Variants in BTBD9 observed in about 807,000 individuals in gnomAD.
BTBD9 encodes BTB domain containing 9.
In BTBD9, 49 loss-of-function variants were observed where a neutral mutation model predicts 64.3. That is an observed-to-expected ratio of 0.76 (90% CI 0.61 to 0.97). The LOEUF is 0.97. Among genes scored for constraint, BTBD9 ranks in the 50% least tolerant of loss-of-function variants. The probability of loss-of-function intolerance (pLI) is 0.00; values close to 1 mark genes in which losing one functional copy is unlikely to be tolerated. For missense variants in BTBD9, 598 were observed against 762.1 expected, an observed-to-expected ratio of 0.78 and a Z score of 2.53; for synonymous variants, 260 against 274.7, an observed-to-expected ratio of 0.95 and a Z score of 0.53.
rs1334052990 is a variant in BTBD9, at chr6:38,242,550, G to T, written c.1562+13859C>A. ...CAGTTACAGTATTGTTTGATTCTAGGATCTTGTTTTGTATTTTACACTGTG... is the reference window on the plus strand; with the variant it reads ...CAGTTACAGTATTGTTTGATTCTAGTATCTTGTTTTGTATTTTACACTGTG... On this transcript the variant is annotated intron_variant, in intron 9 of 10. Transcript: ENST00000481247. 2.0e-5 allele frequency among the ~76,000 whole-genome samples: 3 copies of T among 152,318 alleles called. No individual in the cohort carries two copies. In the East Asian group the frequency reaches 5.8e-4, roughly 29 times the overall value.
chr6:38,627,770 T>A (rs1778222199), intron 1 of BTBD9, among the ~76,000 whole-genome samples: 1 of 152,182 alleles, frequency 6.6e-6, no homozygotes, highest in Admixed American at 6.5e-5. Flanking sequence ...CTCAATGAGA[T>A]GTTACAAAGA....
intron 1 of BTBD9, among the ~76,000 whole-genome samples, chr6:38,603,677 C>T (rs189908076): frequency 9.8e-5 from 15 of 152,292 alleles, no homozygotes; most frequent in South Asian, 8.3e-4. Context: ...AAGGTGGAGA[C>T]GCCAAAGAGT....
chr6:38,606,385 T>C (rs1048298433), intron 1 of BTBD9, among the ~76,000 whole-genome samples: 4 of 152,130 alleles, frequency 2.6e-5, no homozygotes, highest in Admixed American at 6.5e-5. Flanking sequence ...ATGAAACCAC[T>C]GATTGAAGAT....
At chr6:38,224,001 C>T (rs1427478756) in intron 9 of BTBD9, among the ~76,000 whole-genome samples, 2 of 152,010 alleles carry the variant, frequency 1.3e-5, no homozygotes, top group Non-Finnish European at 2.9e-5. Context: ...CTGCTTGAGG[C>T]CAGGAGTTCA....
At chr6:38,629,091 C>T (rs1778274792) in intron 1 of BTBD9, among the ~76,000 whole-genome samples, 1 of 151,324 alleles carries the variant, frequency 6.6e-6, no homozygotes, top group Non-Finnish European at 1.5e-5. Context: ...ACATAAGAAT[C>T]CATGAGATCA....
At chr6:38,413,120 C>G (rs1311420547) in intron 6 of BTBD9, among the ~76,000 whole-genome samples, 2 of 151,038 alleles carry the variant, frequency 1.3e-5, no homozygotes, top group Non-Finnish European at 3.0e-5. Context: ...TCCTTCTTTC[C>G]TTCCTTCCTT....
At chr6:38,570,404 C>A (rs1453767823) in intron 6 of BTBD9, among the ~76,000 whole-genome samples, 8 of 152,196 alleles carry the variant, frequency 5.3e-5, no homozygotes, top group Middle Eastern at 3.2e-3. Context: ...TCAATTTCCT[C>A]ACCTATAAAA....
intron 1 of BTBD9, among the ~76,000 whole-genome samples, chr6:38,602,937 T>A (rs1699020): frequency 0.38 from 57,089 of 151,800 alleles, 10,946 homozygotes; most frequent in African/African-American, 0.45. Flanking sequence ...CCATCTGATA[T>A]ATCCCAACTA....
rs560059564 is a variant in BTBD9, at chr6:38,388,703, T to C, written c.1155-43610A>G. On this transcript the variant is annotated intron_variant, in intron 6 of 10. Coordinates refer to ENST00000481247, the MANE Select transcript of BTBD9 (RefSeq NM_001099272.2). ...CAGTGTCCATCAATCCTTTGGCCAGTAGTTTTTTGTATATGTATAAAAACA... is the reference window on the plus strand; with the variant it reads ...CAGTGTCCATCAATCCTTTGGCCAGCAGTTTTTTGTATATGTATAAAAACA... Among the ~76,000 whole-genome samples, 11 of 152,332 alleles carry C rather than the reference T, an allele frequency of 7.2e-5. No homozygotes were observed. In the East Asian group the frequency reaches 1.9e-3, roughly 27 times the overall value.
intron 9 of BTBD9, among the ~76,000 whole-genome samples, chr6:38,212,197 C>G (rs1762857286): frequency 6.6e-6 from 1 of 152,194 alleles, no homozygotes; most frequent in Admixed American, 6.5e-5. Flanking sequence ...AGCAGGGGCT[C>G]TCCACCCATG....
intron 6 of BTBD9, among the ~76,000 whole-genome samples, chr6:38,410,225 C>T (rs1767356844): frequency 6.6e-6 from 1 of 152,108 alleles, no homozygotes; most frequent in Non-Finnish European, 1.5e-5. Context: ...AATCCCAGCA[C>T]TTTGGGAGGC....
intron 1 of BTBD9, among the ~76,000 whole-genome samples, chr6:38,634,453 AG>A (rs768189058): frequency 2.1e-4 from 32 of 152,112 alleles, no homozygotes; most frequent in Admixed American, 1.4e-3. Flanking sequence ...TAAACTTCCC[AG>A]GAACAGGGAA....
At chr6:38,280,454 T>C (rs531576806) in intron 8 of BTBD9, among the ~76,000 whole-genome samples, 46 of 152,344 alleles carry the variant, frequency 3.0e-4, no homozygotes, top group African/African-American at 9.4e-4. Context: ...ATGACTGATA[T>C]GAAGCAAATT....
At chr6:38,573,616 T>C (rs1243772503) in intron 6 of BTBD9, among the ~76,000 whole-genome samples, 1 of 152,160 alleles carries the variant, frequency 6.6e-6, no homozygotes, top group African/African-American at 2.4e-5. Context: ...CCTGCTTTCT[T>C]CTCTCTCAAC....
At chr6:38,314,320 G>A (rs1014286768) in intron 7 of BTBD9, among the ~76,000 whole-genome samples, 1 of 150,122 alleles carries the variant, frequency 6.7e-6, no homozygotes, top group Non-Finnish European at 1.5e-5. Context: ...CTCAGACTCC[G>A]GAGTAGCTGG....
At chr6:38,228,679 C>A (rs570798344) in intron 9 of BTBD9, among the ~76,000 whole-genome samples, 1 of 141,700 alleles carries the variant, frequency 7.1e-6, no homozygotes. Flanking sequence ...ATCGAGACCA[C>A]CCTGGCTAAC....
intron 6 of BTBD9, among the ~76,000 whole-genome samples, chr6:38,383,612 C>T (rs1320649962): frequency 1.5e-4 from 23 of 151,938 alleles, no homozygotes. Flanking sequence ...AAAGATGTAG[C>T]AGATATGGAG....
At chr6:38,189,094 T>C (rs75363397) in intron 10 of BTBD9, among the ~76,000 whole-genome samples, 13,570 of 152,226 alleles carry the variant, frequency 0.089, 822 homozygotes, top group Non-Finnish European at 0.12. Flanking sequence ...CCACGCTCCA[T>C]AGTGAGAGAG....
chr6:38,268,679 G>A (rs890838067), intron 8 of BTBD9, among the ~76,000 whole-genome samples: 4 of 152,074 alleles, frequency 2.6e-5, no homozygotes, highest in Admixed American at 2.0e-4. Flanking sequence ...ATCAGATCTG[G>A]GTTTCAACCT....
Sources: allele counts gnomAD v4.1 joint callset (sites outside exome capture counted in the v4.1 genomes callset), GRCh38; gene constraint gnomAD v4.1.1; transcripts MANE v1.5; gene names NCBI Gene and HGNC (gene_info 2026-07-23, HGNC 2026-07-21).